Variants in ATP8B4 observed in about 807,000 individuals in gnomAD.
ATP8B4 encodes the protein ATPase phospholipid transporting 8B4 (putative), also known as probable phospholipid-transporting ATPase IM.
In ATP8B4, 133 loss-of-function variants were observed where a neutral mutation model predicts 145.6. The observed-to-expected ratio is 0.91, with a 90% CI of 0.79 to 1.05. ATP8B4 has a LOEUF of 1.05. Among genes scored for constraint, ATP8B4 ranks in the 50% least tolerant of loss-of-function variants. The pLI, the probability that ATP8B4 is intolerant of heterozygous loss-of-function variation, is 0.00. For synonymous variants in ATP8B4, 507 were observed against 492.9 expected (o/e 1.03, Z -0.38); for missense variants, 1,458 against 1,425.2 (o/e 1.02, Z -0.37).
intron 25 of ATP8B4, among the ~76,000 whole-genome samples, chr15:49,868,198 G>A (rs1426361002): frequency 1.3e-5 from 2 of 152,064 alleles, no homozygotes; most frequent in Non-Finnish European, 2.9e-5. Context: ...TTTATACAGA[G>A]GAGGAAAAAG....
chr15:49,947,620 A>G (rs1310700997), intron 14 of ATP8B4, among the ~76,000 whole-genome samples: 1 of 152,132 alleles, frequency 6.6e-6, no homozygotes, highest in South Asian at 2.1e-4. Flanking sequence ...TATAAAAAAA[A>G]TTCTAAAATT....
At chr15:50,102,545 A>G (rs1273158132) in intron 2 of ATP8B4, among the ~76,000 whole-genome samples, 2 of 152,138 alleles carry the variant, frequency 1.3e-5, no homozygotes, top group Non-Finnish European at 2.9e-5. Context: ...TTAAACCGGG[A>G]ACAAACAGAA....
At chr15:49,886,811 AT>A (rs200775433) in intron 23 of ATP8B4, among the ~76,000 whole-genome samples, 22,201 of 144,410 alleles carry the variant, frequency 0.15, 1,639 homozygotes, top group South Asian at 0.23. Flanking sequence ...GCCACAAGCA[AT>A]TTTTTTTTTT....
intron 1 of ATP8B4, among the ~76,000 whole-genome samples, chr15:50,129,083 TAAATA>T (rs2057327056): frequency 1.3e-5 from 2 of 152,036 alleles, no homozygotes; most frequent in Non-Finnish European, 2.9e-5. Context: ...AATAAATAAA[TAAATA>T]AAAGTTAAGT....
chr15:50,180,863 C>T lies in ATP8B4; in HGVS notation c.-43+1398G>A, dbSNP rs868069424. On this transcript the variant is annotated intron_variant, in intron 1 of 3. Coordinates refer to the ATP8B4 transcript ENST00000558829. ...GGGATACGAAAAGGAGGCTAAAAAA[C>T]GGCAGGGGGTGGCCTGGAGGGAATG... Among the ~76,000 whole-genome samples the T allele has an allele frequency of 4.6e-5, 7 of 152,118 alleles. 1 individual carries two copies. The highest frequency in any genetic ancestry group is 4.1e-4 in the South Asian group (2 of 4,824).
chr15:50,112,123 G>C (rs1345050358), intron 1 of ATP8B4, among the ~76,000 whole-genome samples: 1 of 152,192 alleles, frequency 6.6e-6, no homozygotes, highest in African/African-American at 2.4e-5. Context: ...CCAGTGGAAA[G>C]AGAAAGATTG....
chr15:50,103,908 A>G (rs2056520924), intron 2 of ATP8B4, among the ~76,000 whole-genome samples: 1 of 152,218 alleles, frequency 6.6e-6, no homozygotes, highest in Admixed American at 6.5e-5. Context: ...AACAGAATAG[A>G]GAAGCCAGAA....
intron 1 of ATP8B4, among the ~76,000 whole-genome samples, chr15:50,128,844 G>T (rs549473507): frequency 1.3e-5 from 2 of 152,150 alleles, no homozygotes; most frequent in Non-Finnish European, 2.9e-5. Context: ...CGGAGTTCGA[G>T]AACTCACAAG....
chr15:49,872,018 C>G (rs58931219), intron 25 of ATP8B4, among the ~76,000 whole-genome samples: 3,585 of 152,214 alleles, frequency 0.024, 150 homozygotes, highest in African/African-American at 0.082. Context: ...AGAGGGGTGA[C>G]AAGCAGCACC....
intron 14 of ATP8B4, among the ~76,000 whole-genome samples, chr15:49,957,777 A>G (rs1219019196): frequency 1.3e-5 from 2 of 152,006 alleles, no homozygotes; most frequent in African/African-American, 4.8e-5. Context: ...TCAATACTCA[A>G]TAAAACAGAC....
chr15:50,164,624 T>C lies in ATP8B4; in HGVS notation c.-43+17637A>G, dbSNP rs187245677. ...CTCCAGCTGGTGTCTCACCAGGTCA[T>C]GTGTACCCAAAGTCCACTGGCTCTA... On this transcript the variant is annotated intron_variant, in intron 1 of 3. Transcript: ENST00000558829. Among the ~76,000 whole-genome samples the C allele has an allele frequency of 3.3e-3, 502 of 152,348 alleles. 1 individual carries two copies. Among genetic ancestry groups the C allele is most frequent in the African/African-American group, 0.012 (481 of 41,588 alleles).
At chr15:50,086,037 A>ATATATTATATTAT (rs2055001747) in intron 2 of ATP8B4, among the ~76,000 whole-genome samples, 1 of 106,382 alleles carries the variant, frequency 9.4e-6, no homozygotes, top group Non-Finnish European at 1.7e-5. Context: ...TATTATATAT[A>ATATATTATATTAT]ATATAATATA....
At chr15:49,922,546 T>C (rs1228514379) in intron 17 of ATP8B4, 1 of 317,310 alleles carries the variant, frequency 3.2e-6, no homozygotes, top group African/African-American at 2.2e-5. Context: ...ATTTGCTTTT[T>C]AAAGATTCAG....
intron 6 of ATP8B4, among the ~76,000 whole-genome samples, chr15:50,030,422 T>C (rs1013288403): frequency 6.6e-5 from 10 of 152,166 alleles, no homozygotes; most frequent in African/African-American, 2.4e-4. Context: ...AGAATCAAAC[T>C]ACTTTGTGTA....
chr15:50,077,246 A>G (rs910582538), intron 2 of ATP8B4, among the ~76,000 whole-genome samples: 4 of 152,378 alleles, frequency 2.6e-5, no homozygotes, highest in Middle Eastern at 6.8e-3. Context: ...GTGGACTAAA[A>G]GAGCTAAAAG....
At chr15:49,888,606 T>C (rs867413806) in intron 23 of ATP8B4, among the ~76,000 whole-genome samples, 2 of 152,314 alleles carry the variant, frequency 1.3e-5, no homozygotes, top group Middle Eastern at 3.4e-3. Context: ...AGTTCCTCTT[T>C]ACGAAAAGTC....
intron 2 of ATP8B4, among the ~76,000 whole-genome samples, chr15:50,076,036 T>C (rs1162038904): frequency 6.6e-6 from 1 of 152,224 alleles, no homozygotes; most frequent in African/African-American, 2.4e-5. Context: ...ATCAGATATA[T>C]TAATTATATA....
chr15:50,043,249 T>C (rs1401882082), intron 5 of ATP8B4, among the ~76,000 whole-genome samples: 1 of 152,220 alleles, frequency 6.6e-6, no homozygotes, highest in African/African-American at 2.4e-5. Context: ...CCCAAGACTA[T>C]GTTTTGTCTT....
intron 20 of ATP8B4, among the ~76,000 whole-genome samples, chr15:49,910,994 T>A (rs1398475675): frequency 6.6e-6 from 1 of 151,426 alleles, no homozygotes; most frequent in Non-Finnish European, 1.5e-5. Context: ...AACACACCAA[T>A]GAGGAAGAGA....
Sources: gnomAD v4.1 joint callset for allele counts (sites outside exome capture counted in the v4.1 genomes callset) on GRCh38, gnomAD v4.1.1 for gene constraint, MANE v1.5 for transcripts, NCBI Gene and HGNC (gene_info 2026-07-23, HGNC 2026-07-21) for gene names.